EVC2: variants seen among roughly 807,000 people sequenced by gnomAD.
EVC2 encodes the protein EvC ciliary complex subunit 2.
Under a neutral mutation model 149.3 loss-of-function variants are expected in EVC2, and 148 were observed. The ratio of observed to expected loss-of-function variants is 0.99; its 90% CI spans 0.87 to 1.14. The LOEUF is 1.14. Among genes scored for constraint, EVC2 ranks in the 50% most tolerant of loss-of-function variants. The pLI is 0.00. For missense variants in EVC2, 1,854 were observed against 1,627.3 expected (o/e 1.14, Z -2.40); for synonymous variants, 776 against 649.9 (o/e 1.19, Z -2.95).
intron 17 of EVC2, among the ~76,000 whole-genome samples, chr4:5,577,793 C>T (rs1028719981): frequency 2.0e-5 from 3 of 152,174 alleles, no homozygotes; most frequent in Non-Finnish European, 2.9e-5. Context: ...AGATGTGGAA[C>T]TATGACCATC....
rs897916465 is a variant in EVC2, at chr4:5,618,374, T to C, written c.2706+104A>G. The C allele has an allele frequency of 7.9e-7, 1 of 1,263,314 alleles. No homozygotes were observed. Among genetic ancestry groups the C allele is most frequent in the South Asian group, 1.2e-5 (1 of 80,388 alleles). 78.3% of individuals were successfully genotyped at this position (1,263,314 alleles called of 1,614,324 possible). The stretch of plus-strand genomic sequence containing the variant: ...CCAGAGAGGAGAGGATAGGGGAGCA[T>C]GAGGTGAGATGGGCTCAGGCTGGGG... On this transcript the variant is annotated intron_variant, in intron 15 of 21. Coordinates refer to ENST00000344408, the MANE Select transcript of EVC2 (RefSeq NM_147127.5). The surrounding 1 kb of genome is among the most constrained non-coding windows in gnomAD (Gnocchi z 4.4).
chr4:5,666,526 T>C (rs749454112), intron 7 of EVC2, among the ~76,000 whole-genome samples: 2 of 152,220 alleles, frequency 1.3e-5, no homozygotes, highest in South Asian at 4.1e-4. Context: ...AAGTTTTTCA[T>C]GGCCTATCTT....
Position 5,665,427 on chromosome 4 carries a change from G to A in EVC2, c.1005+88C>T. 1.9e-6 allele frequency: 3 copies of A among 1,597,530 alleles called. No individual in the cohort carries two copies. In the South Asian group the frequency reaches 3.3e-5, roughly 18 times the overall value. ...CACAGCTCCCTCAGCAATGCTGATG[G>A]GGATCCAGGGCTGAGACCCACAGAA... On this transcript the variant is annotated intron_variant, in intron 8 of 21. Coordinates refer to ENST00000344408, the MANE Select transcript of EVC2 (RefSeq NM_147127.5).
At position 5,562,544 on chromosome 4, in the gene EVC2, T is replaced by C. The variant is rs747504694; in HGVS notation, c.*304A>G. On this transcript the variant is annotated 3_prime_UTR_variant, in exon 22 of 22. Transcript: ENST00000344408. The surrounding 1 kb of genome is among the most constrained non-coding windows in gnomAD (Gnocchi z 4.3). ...AATCTGGCTGTCACCACACAGACCA[T>C]AGCTTCTGCAGCAGAGGATGGGGTG... 143 of 1,296,566 alleles carry C rather than the reference T, an allele frequency of 1.1e-4. No homozygotes were observed. The highest frequency in any genetic ancestry group is 1.3e-4 in the Non-Finnish European group (131 of 1,016,292). 80.3% of individuals were successfully genotyped at this position (1,296,566 alleles called of 1,614,324 possible).
At position 5,622,681 on chromosome 4, in the gene EVC2, G is replaced by A. The variant is rs1182522981; in HGVS notation, c.2357C>T (p.Ala786Val). The A allele has an allele frequency of 1.9e-6, 3 of 1,613,960 alleles. No individual in the cohort carries two copies. The highest frequency in any genetic ancestry group is 1.3e-5 in the African/African-American group (1 of 74,898). ...CTCCCCCTCCAGCTGCTCGGCCCGT[G>A]CAGCCATCTCCTTGCCGTGCTCCTC... ...ILEEHGKEMAARAEQLEGEER... is the reference protein window; with the variant it reads ...ILEEHGKEMAVRAEQLEGEER... Residue 786 changes from alanine (A) to valine (V), a missense_variant, in exon 14 of 22, where the codon GCA becomes GTA. Ala to Val is a moderately conservative substitution (Grantham distance 64). Coordinates refer to ENST00000344408, the MANE Select transcript of EVC2 (RefSeq NM_147127.5). The surrounding 1 kb of genome is among the most constrained non-coding windows in gnomAD (Gnocchi z 5.8).
At chr4:5,702,500 C>T (rs1721890236) in intron 1 of EVC2, among the ~76,000 whole-genome samples, 1 of 151,684 alleles carries the variant, frequency 6.6e-6, no homozygotes, top group Admixed American at 6.6e-5. Flanking sequence ...TCCACTGCCT[C>T]CTCCCCTTCT....
intron 16 of EVC2, among the ~76,000 whole-genome samples, chr4:5,596,282 C>T (rs1713409647): frequency 6.6e-6 from 1 of 152,210 alleles, no homozygotes; most frequent in Non-Finnish European, 1.5e-5. Flanking sequence ...CTCAGCACCA[C>T]ACCACACCTG....
intron 10 of EVC2, among the ~76,000 whole-genome samples, chr4:5,639,066 G>A (rs1017190390): frequency 4.6e-5 from 7 of 152,184 alleles, no homozygotes; most frequent in Admixed American, 1.3e-4. Context: ...AGCAGGTGCA[G>A]GCAGGACAGC....
At chr4:5,590,879 G>C (rs541192843) in intron 16 of EVC2, among the ~76,000 whole-genome samples, 1 of 152,234 alleles carries the variant, frequency 6.6e-6, no homozygotes, top group South Asian at 2.1e-4. Context: ...TGGCAGAAGG[G>C]GAAGCAAACA....
chr4:5,642,099 C>A (rs1381143831), intron 9 of EVC2, among the ~76,000 whole-genome samples: 1 of 152,100 alleles, frequency 6.6e-6, no homozygotes, highest in Non-Finnish European at 1.5e-5. Flanking sequence ...CATGTCCCTG[C>A]AAAGCATATG....
intron 2 of EVC2, among the ~76,000 whole-genome samples, chr4:5,695,481 G>C (rs1476941773): frequency 6.6e-6 from 1 of 152,264 alleles, no homozygotes; most frequent in Non-Finnish European, 1.5e-5. Context: ...GGGCTGGGCT[G>C]TCAGGGTCCC....
chr4:5,689,469 G>A, intron 4 of EVC2, 126 bp from the exon 5 acceptor site: 2 of 960,050 alleles, frequency 2.1e-6, no homozygotes, highest in Non-Finnish European at 3.3e-6. Flanking sequence ...GTCTCGCAGA[G>A]GGCCTGGGAA....
chr4:5,656,347 G>A (rs552251955), intron 9 of EVC2, among the ~76,000 whole-genome samples: 5 of 152,096 alleles, frequency 3.3e-5, no homozygotes, highest in South Asian at 2.1e-4. Flanking sequence ...ACTTCTTCTC[G>A]AGGTCCCTCA....
intron 19 of EVC2, among the ~76,000 whole-genome samples, chr4:5,574,056 G>A (rs546906575): frequency 4.5e-4 from 69 of 152,356 alleles, no homozygotes; most frequent in Admixed American, 8.5e-4. Context: ...CTGCATCAGC[G>A]AGCACCTCTC....
rs568564109 is a variant in EVC2, at chr4:5,576,140, G to T, written c.3272+100C>A. ...GGGATGACACCTTAGGCAAGAGGGT[G>T]AGAGCCCAGGTGGGTATGGGTGGGC... On this transcript the variant is annotated intron_variant, in intron 18 of 21. Transcript: ENST00000344408. This position sits in a 1 kb window ranked among gnomAD's most constrained non-coding sequence, Gnocchi z 4.5. The T allele has an allele frequency of 1.9e-6, 3 of 1,589,736 alleles. No homozygotes were observed. The Admixed American group carries it at 5.0e-5, about 27-fold the overall frequency.
At position 5,562,682 on chromosome 4, in the gene EVC2, C is replaced by A; in HGVS notation, c.*166G>T. 10 of 1,481,448 alleles carry A rather than the reference C, an allele frequency of 6.8e-6. No individual in the cohort carries two copies. The highest frequency in any genetic ancestry group is 8.9e-6 in the Non-Finnish European group (10 of 1,124,168). 91.8% of individuals were successfully genotyped at this position (1,481,448 alleles called of 1,614,324 possible). On this transcript the variant is annotated 3_prime_UTR_variant, in exon 22 of 22. Transcript: ENST00000344408. The surrounding 1 kb of genome is among the most constrained non-coding windows in gnomAD (Gnocchi z 4.3). ...GTGGGCCATCTGGAAATTCATGAGACAAGATTAAACCGAGTCCCTGCAAGT... is the reference window on the plus strand; with the variant it reads ...GTGGGCCATCTGGAAATTCATGAGAAAAGATTAAACCGAGTCCCTGCAAGT...
chr4:5,573,854 A>G (rs4689257), intron 19 of EVC2, among the ~76,000 whole-genome samples: 72,423 of 152,006 alleles, frequency 0.48, 19,000 homozygotes, highest in East Asian at 0.86. Flanking sequence ...GCAGCTAGCA[A>G]GGCCCACGGG....
intron 4 of EVC2, 92 bp from the exon 5 acceptor site, chr4:5,689,435 T>C (rs1243147120): frequency 7.6e-7 from 1 of 1,307,504 alleles, no homozygotes; most frequent in Admixed American, 1.8e-5. Context: ...ACATTAGGCA[T>C]CCAGGAAGAA....
the EVC2 span, among the ~76,000 whole-genome samples, chr4:5,534,556 G>C: frequency 1.3e-5 from 2 of 152,186 alleles, no homozygotes; most frequent in Non-Finnish European, 2.9e-5. Context: ...GTGATACAGT[G>C]CTAATAAATT....
Sources: gnomAD v4.1 joint callset for allele counts (sites outside exome capture counted in the v4.1 genomes callset) on GRCh38, gnomAD v4.1.1 for gene constraint, Gnocchi (gnomAD v3.1) non-coding constraint, MANE v1.5 for transcripts, NCBI Gene and HGNC (gene_info 2026-07-23, HGNC 2026-07-21) for gene names.